Variants in SLC13A5 observed in about 807,000 individuals in gnomAD.
SLC13A5 encodes the protein Na(+)/citrate cotransporter.
Under a neutral mutation model 56.5 loss-of-function variants are expected in SLC13A5, and 25 were observed. The observed-to-expected ratio is 0.44, with a 90% CI of 0.32 to 0.62. The LOEUF is 0.62. SLC13A5 is among the 20% of genes least tolerant of loss of function. The pLI, the probability that SLC13A5 is intolerant of heterozygous loss-of-function variation, is 0.04. For synonymous variants in SLC13A5, 307 were observed against 301.5 expected (o/e 1.02, Z -0.19); for missense variants, 649 against 737.8 (o/e 0.88, Z 1.39).
chr17:6,700,968 T>G, intron 6 of SLC13A5, 36 bp downstream of exon 6: 3 of 1,612,340 alleles, frequency 1.9e-6, no homozygotes, highest in Non-Finnish European at 2.5e-6. Context: ...TGAGGCATAA[T>G]TAGGCATAAT....
At position 6,685,659 on chromosome 17, in the gene SLC13A5, C is replaced by T. The variant is rs1853426996; in HGVS notation, c.*548G>A. ...AGGCTTCAGGAGGCTCTGATTCCCA[C>T]TCGCACTCCAGCAGTGGGAGGTTGC... On this transcript the variant is annotated 3_prime_UTR_variant, in exon 12 of 12. Transcript: ENST00000433363. The surrounding 1 kb of genome is among the most constrained non-coding windows in gnomAD (Gnocchi z 4.2). 6.4e-6 allele frequency: 1 copy of T among 156,666 alleles called. No individual in the cohort carries two copies. Among genetic ancestry groups the T allele is most frequent in the African/African-American group, 2.4e-5 (1 of 41,516 alleles). 9.7% of individuals were successfully genotyped at this position (156,666 alleles called of 1,614,324 possible).
Position 6,692,984 on chromosome 17 carries a change from GA to G in SLC13A5, c.1275+59del. ...ACAAGCCCAGGGATGGAAGGGTGGA[GA>G]AACGCCACCCTCTTGACGAAGAAGA... is the stretch of plus-strand genomic sequence containing the variant. On this transcript the variant is annotated intron_variant, in intron 9 of 11. Transcript: ENST00000433363. This position sits in a 1 kb window ranked among gnomAD's most constrained non-coding sequence, Gnocchi z 5.5. 7.5e-7 allele frequency: 1 copy of G among 1,331,318 alleles called. No individual in the cohort carries two copies. 82.5% of individuals were successfully genotyped at this position (1,331,318 alleles called of 1,614,324 possible).
At chr17:6,697,551 G>A (rs1973593955) in intron 6 of SLC13A5, among the ~76,000 whole-genome samples, 1 of 152,240 alleles carries the variant, frequency 6.6e-6, no homozygotes, top group East Asian at 1.9e-4. Flanking sequence ...GCCTAGGTCA[G>A]GGTCAGGGGT....
At chr17:6,690,521 A>G (rs965161985) in intron 10 of SLC13A5, among the ~76,000 whole-genome samples, 1 of 152,122 alleles carries the variant, frequency 6.6e-6, no homozygotes, top group Non-Finnish European at 1.5e-5. Flanking sequence ...ATCCAATTAG[A>G]TTTATAAAAT....
At chr17:6,703,217 A>G in intron 4 of SLC13A5, 79 bp from the exon 5 acceptor site, 1 of 1,553,240 alleles carries the variant, frequency 6.4e-7, no homozygotes, top group South Asian at 1.2e-5. Context: ...TCTGCTGCTG[A>G]CCTGAGGATT....
At chr17:6,704,214 C>A in intron 3 of SLC13A5, 158 bp from the exon 4 acceptor site, 1 of 768,044 alleles carries the variant, frequency 1.3e-6, no homozygotes, top group South Asian at 1.5e-5. Context: ...GTTTTAGAGC[C>A]TCCCCTCCCT....
intron 10 of SLC13A5, chr17:6,690,090 A>AAAAAC (rs1567614250): frequency 1.4e-5 from 2 of 141,374 alleles, no homozygotes; most frequent in African/African-American, 2.8e-5. Context: ...AAAAAAAAAA[A>AAAAAC]AAAAACCATA....
chr17:6,702,585 G>A (rs1459965675), intron 5 of SLC13A5, among the ~76,000 whole-genome samples: 1 of 152,204 alleles, frequency 6.6e-6, no homozygotes, highest in Non-Finnish European at 1.5e-5. Flanking sequence ...TTTTCTACAA[G>A]TTTCAACCAA....
chr17:6,693,388 A>G (rs537486882), intron 8 of SLC13A5: 4 of 422,426 alleles, frequency 9.5e-6, no homozygotes, highest in Non-Finnish European at 1.3e-5. Flanking sequence ...CACTGCCAAT[A>G]GCATCGTAAA....
chr17:6,690,574 G>C (rs1318750846), intron 10 of SLC13A5, among the ~76,000 whole-genome samples: 1 of 152,220 alleles, frequency 6.6e-6, no homozygotes, highest in South Asian at 2.1e-4. Flanking sequence ...TGGTCAGCAG[G>C]AGGGGTACAA....
intron 10 of SLC13A5, chr17:6,688,201 T>C (rs1280448354): frequency 6.6e-6 from 1 of 152,316 alleles, no homozygotes; most frequent in East Asian, 1.9e-4. Context: ...GCTGAGTGTA[T>C]GAATGAATGA....
chr17:6,700,421 T>A (rs1973679117), intron 6 of SLC13A5, among the ~76,000 whole-genome samples: 1 of 152,218 alleles, frequency 6.6e-6, no homozygotes, highest in East Asian at 1.9e-4. Flanking sequence ...AAACTCCCCG[T>A]GCATTGAGGC....
chr17:6,693,218 C>CAA (rs1973463685), intron 8 of SLC13A5, 56 bp from the exon 9 acceptor site: 1 of 925,934 alleles, frequency 1.1e-6, no homozygotes, highest in Non-Finnish European at 1.6e-6. Context: ...CACACACACA[C>CAA]ACACACACAC....
chr17:6,704,555 G>A (rs1199793117), intron 3 of SLC13A5: 6 of 271,300 alleles, frequency 2.2e-5, no homozygotes, highest in Non-Finnish European at 3.7e-5. Context: ...GTAGGGGTAG[G>A]GTGAGCTGGG....
chr17:6,686,298 C>T lies in SLC13A5; in HGVS notation c.1616G>A (p.Cys539Tyr). The T allele has an allele frequency of 6.2e-7, 1 of 1,614,142 alleles. No homozygotes were observed. Among genetic ancestry groups the T allele is most frequent in the Non-Finnish European group, 8.5e-7 (1 of 1,180,026 alleles). The change falls in exon 12 of 12, where the codon TGT (cysteine) becomes TAT (tyrosine). Residue 539 changes from cysteine (C) to tyrosine (Y), a missense_variant. By Grantham distance (194) the Cys-to-Tyr change is radical (BLOSUM62 -2). Coordinates refer to ENST00000433363, the MANE Select transcript of SLC13A5 (RefSeq NM_177550.5). ...GVIMNIIGVF[C>Y]VFLAVNTWGR... Reference sequence around the variant, plus strand: ...CCAGGTGTTGACAGCCAAAAACACACAGAAGACTCCAATTATGTTCATTAT... The same window carrying T: ...CCAGGTGTTGACAGCCAAAAACACATAGAAGACTCCAATTATGTTCATTAT...
Position 6,693,170 on chromosome 17 carries a change from GA to G in SLC13A5, c.1157-9del. The G allele has an allele frequency of 9.4e-7, 1 of 1,065,238 alleles. No individual in the cohort carries two copies. Among genetic ancestry groups the G allele is most frequent in the South Asian group, 1.4e-5 (1 of 69,570 alleles). The allele number at this position is 1,065,238 out of a possible 1,614,324, so 66.0% of individuals were successfully genotyped here. ...AAAATGGAGTTTTCCTTTCTGGGAA[GA>G]AAAAGAAACACACACACACACACAC... On this transcript the variant is annotated splice_polypyrimidine_tract_variant and intron_variant, in intron 8 of 11. Coordinates refer to ENST00000433363, the MANE Select transcript of SLC13A5 (RefSeq NM_177550.5).
chr17:6,696,889 T>C (rs1230056856), intron 6 of SLC13A5, among the ~76,000 whole-genome samples: 1 of 152,164 alleles, frequency 6.6e-6, no homozygotes, highest in Non-Finnish European at 1.5e-5. Flanking sequence ...CTGAAGCCAG[T>C]GCTGGATGTG....
At chr17:6,704,149 G>A in intron 3 of SLC13A5, 93 bp from the exon 4 acceptor site, 1 of 1,368,266 alleles carries the variant, frequency 7.3e-7, no homozygotes, top group Non-Finnish European at 1.0e-6. Flanking sequence ...CACCCCTGCA[G>A]GGATGCACAG....
rs149068818 is a variant in SLC13A5 at position 6,706,725 on chromosome 17, G to A, written c.285C>T (p.Ile95=). 89 of 1,614,046 alleles carry A rather than the reference G, an allele frequency of 5.5e-5. No individual in the cohort carries two copies. Among genetic ancestry groups the A allele is most frequent in the African/African-American group, 4.3e-4 (32 of 75,044 alleles). Residue 95 remains isoleucine (I), a synonymous_variant, in exon 3 of 12, where the codon ATC becomes ATT. Transcript: ENST00000433363. The part of the protein sequence containing the change: ...DTNMLFLGGL[I]VAVAVERWNL... Reference sequence around the variant, plus strand: ...TCCAGCGCTCCACAGCCACGGCCACGATGAGGCCGCCCAGGAACAGCATGT... The same window carrying A: ...TCCAGCGCTCCACAGCCACGGCCACAATGAGGCCGCCCAGGAACAGCATGT...
Sources: allele counts gnomAD v4.1 joint callset (sites outside exome capture counted in the v4.1 genomes callset), GRCh38; gene constraint gnomAD v4.1.1; non-coding constraint Gnocchi (gnomAD v3.1); transcripts MANE v1.5; gene names NCBI Gene and HGNC (gene_info 2026-07-23, HGNC 2026-07-21).